Variants in ANK2 observed in about 807,000 individuals in gnomAD.
The protein encoded by ANK2 is ankyrin 2.
Under a neutral mutation model 360.5 loss-of-function variants are expected in ANK2, and 83 were observed. The ratio of observed to expected loss-of-function variants is 0.23; its 90% confidence interval spans 0.19 to 0.28. The LOEUF (loss-of-function observed/expected upper bound fraction) is 0.28. Ranked by LOEUF, ANK2 falls within the 10% of genes least tolerant of loss-of-function variation. The probability of loss-of-function intolerance (pLI) is 1.00; values close to 1 mark genes in which losing one functional copy is unlikely to be tolerated. For missense variants in ANK2, 4,201 were observed against 4,795.7 expected (o/e 0.88, Z 3.66); for synonymous variants, 1,740 against 1,759.5 (o/e 0.99, Z 0.28).
intron 2 of ANK2, among the ~76,000 whole-genome samples, chr4:112,917,415 A>G (rs2090202640): frequency 6.6e-6 from 1 of 152,176 alleles, no homozygotes; most frequent in Non-Finnish European, 1.5e-5. Context: ...CTCCACCACC[A>G]ACACTGCCAT....
chr4:113,294,148 T>C (rs2069585337), intron 22 of ANK2, among the ~76,000 whole-genome samples: 1 of 152,360 alleles, frequency 6.6e-6, no homozygotes, highest in African/African-American at 2.4e-5. Context: ...TGACTCTTCA[T>C]GACAAATCAG....
chr4:112,906,438 A>G (rs552162042), intron 2 of ANK2, among the ~76,000 whole-genome samples: 17 of 152,300 alleles, frequency 1.1e-4, no homozygotes, highest in African/African-American at 4.1e-4. Flanking sequence ...CAGCGTCTGG[A>G]TAGGGAAGTT....
At chr4:112,776,309 C>T in the ANK2 span, among the ~76,000 whole-genome samples, 2 of 152,254 alleles carry the variant, frequency 1.3e-5, no homozygotes, top group South Asian at 4.1e-4. Context: ...GAAGCAGAGT[C>T]AAATGCTTAT....
At position 113,336,760 on chromosome 4, in the gene ANK2, A is replaced by G; in HGVS notation, c.3775A>G (p.Arg1259Gly). The G allele has an allele frequency of 6.2e-7, 1 of 1,614,116 alleles. No homozygotes were observed. Among genetic ancestry groups the G allele is most frequent in the Non-Finnish European group, 8.5e-7 (1 of 1,179,998 alleles). ...NGFGGDAPTL[R>G]LLCSITGGTT... ...TTTTGGGGGAGATGCACCAACCTTA[A>G]GATTACTATGCAGCATAACAGGTGA... The change falls in exon 31 of 46, where the codon AGA (arginine) becomes GGA (glycine). Residue 1259 changes from arginine (R) to glycine (G), a missense_variant. This residue lies in a region of ANK2 where 1,268 missense variants were observed against 1,650.8 expected (regional missense o/e 0.77). Transcript: ENST00000357077.
chr4:113,186,990 A>G (rs1024743080), intron 2 of ANK2, among the ~76,000 whole-genome samples: 12 of 152,040 alleles, frequency 7.9e-5, no homozygotes, highest in African/African-American at 2.9e-4. Context: ...AGAGACCAAG[A>G]TGCAGATGAG....
chr4:112,910,156 T>C (rs1561054921), intron 2 of ANK2, among the ~76,000 whole-genome samples: 1 of 152,226 alleles, frequency 6.6e-6, no homozygotes, highest in Non-Finnish European at 1.5e-5. Flanking sequence ...GAACTTAGCC[T>C]AATCAGTGAA....
chr4:113,174,533 C>T lies in ANK2; in HGVS notation c.186+16C>T. The T allele has an allele frequency of 6.4e-7, 1 of 1,553,516 alleles. No individual in the cohort carries two copies. Among genetic ancestry groups the T allele is most frequent in the African/African-American group, 1.4e-5 (1 of 73,812 alleles). On this transcript the variant is annotated intron_variant, in intron 2 of 45. Coordinates refer to ENST00000357077, the MANE Select transcript of ANK2 (RefSeq NM_001148.6). ...CTGCAATCAGGTAAGAACATGGCAG[C>T]TAGCTCTGTGTTGTGCAACGAAGGA...
intron 1 of ANK2, among the ~76,000 whole-genome samples, chr4:113,122,834 G>C (rs1434709948): frequency 6.6e-6 from 1 of 151,616 alleles, no homozygotes; most frequent in Non-Finnish European, 1.5e-5. Context: ...TTCTTGGCTA[G>C]AATCATTATC....
chr4:113,120,137 A>G (rs1366646823), intron 1 of ANK2, among the ~76,000 whole-genome samples: 1 of 152,164 alleles, frequency 6.6e-6, no homozygotes, highest in East Asian at 1.9e-4. Context: ...AATATGGTAT[A>G]GTACCGAATA....
intron 11 of ANK2, among the ~76,000 whole-genome samples, chr4:113,257,569 C>T (rs2050199546): frequency 6.6e-6 from 1 of 151,994 alleles, no homozygotes; most frequent in African/African-American, 2.4e-5. Context: ...TAAAGAAAGT[C>T]GTAGCAAAGT....
intron 2 of ANK2, among the ~76,000 whole-genome samples, chr4:112,948,663 T>A (rs9992666): frequency 6.6e-6 from 1 of 152,230 alleles, no homozygotes; most frequent in Non-Finnish European, 1.5e-5. Flanking sequence ...TTATAGCTTT[T>A]AAATCCCTGT....
At chr4:112,931,774 C>A (rs1390323669) in intron 2 of ANK2, among the ~76,000 whole-genome samples, 2 of 152,118 alleles carry the variant, frequency 1.3e-5, no homozygotes, top group Admixed American at 1.3e-4. Flanking sequence ...GTATCCTATG[C>A]TGATTTATAA....
intron 2 of ANK2, among the ~76,000 whole-genome samples, chr4:112,931,433 C>A: frequency 1.2e-5 from 1 of 85,260 alleles, no homozygotes; most frequent in African/African-American, 4.7e-5. Context: ...TCTTTCTTTT[C>A]TTTTTTTTTT....
At chr4:113,335,792 T>G in intron 29 of ANK2, 54 bp from the exon 30 acceptor site, 1 of 1,544,166 alleles carries the variant, frequency 6.5e-7, no homozygotes. Flanking sequence ...GCTAGAATGC[T>G]GTTAGAAGGA....
At chr4:112,906,885 G>A (rs1282034059) in intron 2 of ANK2, among the ~76,000 whole-genome samples, 1 of 152,088 alleles carries the variant, frequency 6.6e-6, no homozygotes, top group Non-Finnish European at 1.5e-5. Flanking sequence ...AGTGTATTAT[G>A]TACATGAATA....
At chr4:112,709,624 C>T in the ANK2 span, among the ~76,000 whole-genome samples, 2 of 152,104 alleles carry the variant, frequency 1.3e-5, no homozygotes, top group African/African-American at 4.8e-5. Flanking sequence ...TGGCAGGCAC[C>T]TGTAATCCCA....
chr4:113,078,305 C>T (rs1008348571), intron 1 of ANK2, among the ~76,000 whole-genome samples: 1 of 152,162 alleles, frequency 6.6e-6, no homozygotes, highest in Non-Finnish European at 1.5e-5. Flanking sequence ...ACCCATATGC[C>T]AGTGGCATAT....
intron 2 of ANK2, among the ~76,000 whole-genome samples, chr4:113,022,442 A>G (rs2058378157): frequency 6.6e-6 from 1 of 152,076 alleles, no homozygotes; most frequent in South Asian, 2.1e-4. Context: ...GTGACTTAGA[A>G]TGGTTTAGAG....
chr4:112,807,679 G>A, the ANK2 span, among the ~76,000 whole-genome samples: 3,545 of 152,262 alleles, frequency 0.023, 120 homozygotes, highest in African/African-American at 0.079. Context: ...AAGAGCGAAT[G>A]AGATCAAAGA....
Sources: allele counts gnomAD v4.1 joint callset (sites outside exome capture counted in the v4.1 genomes callset), GRCh38; gene constraint gnomAD v4.1.1; regional missense constraint gnomAD v4.1.1; transcripts MANE v1.5; gene names NCBI Gene and HGNC (gene_info 2026-07-23, HGNC 2026-07-21).